ROBO1: variants seen among roughly 807,000 people sequenced by gnomAD.
ROBO1 encodes roundabout homolog 1.
In ROBO1, 149 loss-of-function variants were observed where a neutral mutation model predicts 195.9. The ratio of observed to expected loss-of-function variants is 0.76; its 90% confidence interval spans 0.67 to 0.87. The LOEUF is 0.87. ROBO1 is among the 40% of genes least tolerant of loss of function. The probability of loss-of-function intolerance (pLI) is 0.00; values close to 1 mark genes in which losing one functional copy is unlikely to be tolerated. For missense variants in ROBO1, 1,933 were observed against 2,068.3 expected (o/e 0.93, Z 1.27); for synonymous variants, 816 against 733.2 (o/e 1.11, Z -1.82).
intron 22 of ROBO1, among the ~76,000 whole-genome samples, chr3:78,636,932 A>G (rs1326966753): frequency 5.4e-5 from 3 of 55,834 alleles, no homozygotes; most frequent in Non-Finnish European, 1.0e-4. Flanking sequence ...ATATACATTC[A>G]TTTTATATAT....
chr3:78,812,037 C>T (rs2084758634), intron 4 of ROBO1, among the ~76,000 whole-genome samples: 1 of 152,048 alleles, frequency 6.6e-6, no homozygotes, highest in Non-Finnish European at 1.5e-5. Context: ...TTTAGGAGTC[C>T]TTTGATAATA....
At chr3:79,093,879 A>T (rs1198795857) in intron 3 of ROBO1, among the ~76,000 whole-genome samples, 1 of 152,094 alleles carries the variant, frequency 6.6e-6, no homozygotes, top group African/African-American at 2.4e-5. Flanking sequence ...GAAGGATCAG[A>T]GAAACAGGGG....
intron 1 of ROBO1, among the ~76,000 whole-genome samples, chr3:79,744,127 G>A (rs1703770414): frequency 1.3e-5 from 2 of 152,032 alleles, no homozygotes; most frequent in Admixed American, 1.3e-4. Flanking sequence ...TTTTACATCA[G>A]CACCACCATA....
chr3:79,702,799 T>C (rs1947656708), intron 1 of ROBO1, among the ~76,000 whole-genome samples: 1 of 152,000 alleles, frequency 6.6e-6, no homozygotes, highest in Non-Finnish European at 1.5e-5. Context: ...ATGAATTACC[T>C]GTCAGCATCC....
intron 2 of ROBO1, among the ~76,000 whole-genome samples, chr3:79,172,718 G>C (rs2081189418): frequency 6.6e-6 from 1 of 151,538 alleles, no homozygotes; most frequent in African/African-American, 2.4e-5. Context: ...TCTACCCTGA[G>C]CACTGCATTA....
chr3:79,560,558 T>TACAC lies in ROBO1; in HGVS notation c.88+29262_88+29265dup, dbSNP rs373504742. 4.3e-4 allele frequency among the ~76,000 whole-genome samples: 56 copies of TACAC among 129,678 alleles called. 1 individual carries two copies. Among genetic ancestry groups the TACAC allele is most frequent in the African/African-American group, 1.2e-3 (39 of 33,194 alleles). 85.1% of individuals were successfully genotyped at this position (129,678 alleles called of 152,430 possible). On this transcript the variant is annotated intron_variant, in intron 2 of 30. Transcript: ENST00000464233. The stretch of plus-strand genomic sequence containing the variant: ...AATTATATATATATATATATATATA[T>TACAC]ACACATACACATACATAAAAAAAAA...
chr3:79,303,753 T>C (rs1225381253), intron 2 of ROBO1, among the ~76,000 whole-genome samples: 1 of 152,160 alleles, frequency 6.6e-6, no homozygotes, highest in Non-Finnish European at 1.5e-5. Flanking sequence ...CGTTAAACTA[T>C]GCTTTGACCA....
At chr3:79,292,366 A>C (rs539243299) in intron 2 of ROBO1, among the ~76,000 whole-genome samples, 47 of 152,260 alleles carry the variant, frequency 3.1e-4, no homozygotes, top group East Asian at 1.2e-3. Context: ...AATACGCTTT[A>C]TTTCTTTCTT....
intron 2 of ROBO1, among the ~76,000 whole-genome samples, chr3:79,209,572 AC>A (rs750929868): frequency 1.3e-5 from 2 of 151,606 alleles, no homozygotes; most frequent in African/African-American, 2.4e-5. Context: ...CTTTAAGGAA[AC>A]TCCATACTGT....
intron 10 of ROBO1, among the ~76,000 whole-genome samples, chr3:78,685,127 G>T (rs970534500): frequency 6.6e-6 from 1 of 151,798 alleles, no homozygotes; most frequent in African/African-American, 2.4e-5. Context: ...TATGAAATAA[G>T]ATATGAAAGA....
intron 2 of ROBO1, among the ~76,000 whole-genome samples, chr3:79,492,425 CAGAAAAAAAA>C (rs1939512390): frequency 1.2e-5 from 1 of 85,674 alleles, no homozygotes; most frequent in African/African-American, 5.9e-5. Flanking sequence ...GACTCTGTTT[CAGAAAAAAAA>C]AAAAAAAAAA....
At chr3:79,392,684 C>T (rs183066427) in intron 2 of ROBO1, among the ~76,000 whole-genome samples, 5 of 152,218 alleles carry the variant, frequency 3.3e-5, no homozygotes, top group Admixed American at 2.6e-4. Context: ...TTACATCACC[C>T]AACTAATATT....
intron 4 of ROBO1, among the ~76,000 whole-genome samples, chr3:78,816,123 A>G (rs985680348): frequency 7.2e-5 from 11 of 152,180 alleles, no homozygotes; most frequent in African/African-American, 2.7e-4. Context: ...TTTTCTTGGC[A>G]GGAGATAATG....
chr3:78,653,789 G>A (rs1289011871), intron 18 of ROBO1, among the ~76,000 whole-genome samples: 3 of 152,224 alleles, frequency 2.0e-5, no homozygotes, highest in Non-Finnish European at 4.4e-5. Flanking sequence ...GCGTCTGCCA[G>A]TATAAACTAG....
chr3:78,899,238 T>C (rs190320591), intron 4 of ROBO1, among the ~76,000 whole-genome samples: 1 of 152,302 alleles, frequency 6.6e-6, no homozygotes, highest in East Asian at 1.9e-4. Context: ...TTTTGTGAAG[T>C]GGAAACCTCG....
chr3:79,244,568 T>C (rs2082587352), intron 2 of ROBO1, among the ~76,000 whole-genome samples: 1 of 152,100 alleles, frequency 6.6e-6, no homozygotes, highest in South Asian at 2.1e-4. Context: ...GTCAAATGTG[T>C]TTTTGATAAG....
At chr3:78,786,155 TCTC>T (rs2083827229) in intron 4 of ROBO1, among the ~76,000 whole-genome samples, 1 of 152,168 alleles carries the variant, frequency 6.6e-6, no homozygotes, top group Non-Finnish European at 1.5e-5. Context: ...CCACCTACTT[TCTC>T]TGCTACACTT....
At chr3:78,663,522 T>C (rs1459582273) in intron 14 of ROBO1, among the ~76,000 whole-genome samples, 1 of 152,112 alleles carries the variant, frequency 6.6e-6, no homozygotes, top group African/African-American at 2.4e-5. Context: ...CACCCATCTC[T>C]AGGATAAGAG....
chr3:79,183,023 G>A (rs1433502982), intron 2 of ROBO1, among the ~76,000 whole-genome samples: 1 of 149,518 alleles, frequency 6.7e-6, no homozygotes, highest in Non-Finnish European at 1.5e-5. Context: ...GGAGTTTGCA[G>A]TGAGCCGAGA....
Sources: allele counts gnomAD v4.1 joint callset (sites outside exome capture counted in the v4.1 genomes callset), GRCh38; gene constraint gnomAD v4.1.1; transcripts MANE v1.5; gene names NCBI Gene and HGNC (gene_info 2026-07-23, HGNC 2026-07-21).